Variants in CHCHD3 observed in about 807,000 individuals in gnomAD.
CHCHD3 encodes MICOS complex subunit MIC19.
CHCHD3 carries 20 observed loss-of-function variants against 38.2 expected under a neutral mutation model. The ratio of observed to expected loss-of-function variants is 0.52; its 90% CI spans 0.37 to 0.76. The LOEUF is 0.76. Among genes scored for constraint, CHCHD3 ranks in the 30% least tolerant of loss-of-function variants. CHCHD3 has a pLI of 0.00. For missense variants in CHCHD3, 245 were observed against 279.2 expected (o/e 0.88, Z 0.87); for synonymous variants, 82 against 100.0 (o/e 0.82, Z 1.07).
chr7:132,929,629 G>C (rs936705466), intron 4 of CHCHD3, among the ~76,000 whole-genome samples: 2 of 152,040 alleles, frequency 1.3e-5, no homozygotes, highest in African/African-American at 4.8e-5. Context: ...CTCAAACACA[G>C]CAATATGAAA....
At chr7:132,985,817 CG>C (rs1812102418) in intron 3 of CHCHD3, among the ~76,000 whole-genome samples, 1 of 114,062 alleles carries the variant, frequency 8.8e-6, no homozygotes, top group African/African-American at 3.2e-5. Flanking sequence ...CCGCCCCGTC[CG>C]GGAGGTGAGG....
At chr7:133,079,903 C>T (rs966180524) in intron 1 of CHCHD3, among the ~76,000 whole-genome samples, 16 of 152,160 alleles carry the variant, frequency 1.1e-4, no homozygotes, top group Non-Finnish European at 2.2e-4. Flanking sequence ...ATGGATGTCA[C>T]TTCTAGAGGA....
intron 5 of CHCHD3, among the ~76,000 whole-genome samples, chr7:132,879,779 T>C (rs2117164843): frequency 9.6e-6 from 1 of 104,278 alleles, no homozygotes; most frequent in East Asian, 2.7e-4. Flanking sequence ...TGGAAAGAGA[T>C]GAAAAGATGG....
intron 4 of CHCHD3, among the ~76,000 whole-genome samples, chr7:132,974,632 T>C (rs1811711742): frequency 6.6e-6 from 1 of 151,968 alleles, no homozygotes; most frequent in African/African-American, 2.4e-5. Context: ...TCCCAGCAGT[T>C]TGGGAAGCCG....
chr7:132,970,490 T>C (rs184676823), intron 4 of CHCHD3, among the ~76,000 whole-genome samples: 2 of 152,340 alleles, frequency 1.3e-5, no homozygotes, highest in African/African-American at 4.8e-5. Flanking sequence ...AAAGACAAAG[T>C]CCTGGCTTTC....
intron 3 of CHCHD3, among the ~76,000 whole-genome samples, chr7:133,002,722 A>G (rs940421160): frequency 5.9e-5 from 9 of 152,202 alleles, no homozygotes; most frequent in Admixed American, 5.2e-4. Flanking sequence ...TAACACATTT[A>G]CAAATTCTTT....
intron 3 of CHCHD3, among the ~76,000 whole-genome samples, chr7:133,021,199 C>T (rs1241249532): frequency 1.3e-5 from 2 of 151,994 alleles, no homozygotes; most frequent in Non-Finnish European, 2.9e-5. Flanking sequence ...CATATGTTTT[C>T]AAAAATTCAA....
chr7:132,791,798 G>A (rs1034804639), intron 7 of CHCHD3, among the ~76,000 whole-genome samples: 2 of 152,122 alleles, frequency 1.3e-5, no homozygotes, highest in African/African-American at 4.8e-5. Flanking sequence ...ACGAGACAAC[G>A]GGGTGCACTA....
intron 4 of CHCHD3, among the ~76,000 whole-genome samples, chr7:132,926,281 G>A (rs1385960772): frequency 1.3e-5 from 2 of 152,206 alleles, no homozygotes; most frequent in Non-Finnish European, 2.9e-5. Context: ...GGGTAGAGGG[G>A]TAGCAAGGAG....
intron 4 of CHCHD3, among the ~76,000 whole-genome samples, chr7:132,960,713 C>T (rs962300908): frequency 6.6e-6 from 1 of 152,148 alleles, no homozygotes; most frequent in East Asian, 1.9e-4. Flanking sequence ...CATGGTGGCT[C>T]ATGCCTGTAA....
intron 3 of CHCHD3, among the ~76,000 whole-genome samples, chr7:133,011,169 G>A (rs755140723): frequency 3.5e-4 from 54 of 152,162 alleles, no homozygotes; most frequent in Non-Finnish European, 3.4e-4. Context: ...TGGTAACATA[G>A]GAGATCCAAG....
In CHCHD3 at chr7:132,788,955, A is replaced by AT. The variant is rs1485642017; in HGVS notation, c.661-3296dup. ...ATTAACAAACACAATGGCAGGCTGG[A>AT]TTTTTAAAAAAGATGAATTCATCTG... On this transcript the variant is annotated intron_variant, in intron 7 of 7. Transcript: ENST00000262570. This position sits in a 1 kb window ranked among gnomAD's most constrained non-coding sequence, Gnocchi z 4.0. 6.6e-6 allele frequency among the ~76,000 whole-genome samples: 1 copy of AT among 152,202 alleles called. No individual in the cohort carries two copies. Among genetic ancestry groups the AT allele is most frequent in the East Asian group, 1.9e-4 (1 of 5,200 alleles).
At chr7:132,997,836 G>A (rs1315969191) in intron 3 of CHCHD3, among the ~76,000 whole-genome samples, 1 of 152,144 alleles carries the variant, frequency 6.6e-6, no homozygotes, top group Admixed American at 6.6e-5. Flanking sequence ...CAATTCTGTG[G>A]AGATGATGGC....
intron 6 of CHCHD3, among the ~76,000 whole-genome samples, chr7:132,808,964 T>C (rs1313302409): frequency 2.7e-5 from 4 of 150,438 alleles, no homozygotes; most frequent in African/African-American, 9.8e-5. Flanking sequence ...TTATTATTTT[T>C]CTTGAGACAG....
intron 2 of CHCHD3, among the ~76,000 whole-genome samples, chr7:133,049,419 A>C (rs911817473): frequency 2.6e-5 from 4 of 152,238 alleles, no homozygotes; most frequent in Admixed American, 1.3e-4. Flanking sequence ...TTTTTAATTT[A>C]TTGTAGGCAG....
At chr7:132,947,315 CT>C (rs1163230997) in intron 4 of CHCHD3, among the ~76,000 whole-genome samples, 1 of 151,818 alleles carries the variant, frequency 6.6e-6, no homozygotes, top group Non-Finnish European at 1.5e-5. Flanking sequence ...ACCTATTTAG[CT>C]TTTGTACTAA....
intron 6 of CHCHD3, among the ~76,000 whole-genome samples, chr7:132,824,350 G>A (rs564471301): frequency 3.3e-5 from 4 of 120,822 alleles, no homozygotes; most frequent in South Asian, 2.7e-4. Context: ...ACGGAGTCTC[G>A]CTCTGTCGCT....
chr7:133,069,017 G>A (rs902484760), intron 2 of CHCHD3, among the ~76,000 whole-genome samples: 2 of 151,950 alleles, frequency 1.3e-5, no homozygotes, highest in African/African-American at 4.8e-5. Context: ...TTTCAAAACC[G>A]TATATTGGGA....
rs905566702 is a variant in CHCHD3, at chr7:133,035,666, C to A, written c.170-11039G>T. 1.7e-5 allele frequency: 28 copies of A among 1,612,226 alleles called. No homozygotes were observed. In the African/African-American group the frequency reaches 3.2e-4, roughly 18 times the overall value. On this transcript the variant is annotated intron_variant, in intron 2 of 7. Transcript: ENST00000262570. This position sits in a 1 kb window ranked among gnomAD's most constrained non-coding sequence, Gnocchi z 4.7. Reference sequence around the variant, plus strand: ...GGGCTGCTGCCTCTGGAGTACTTCCCCGCAGCTCCTCATTGCTCACATAGT... The same window carrying A: ...GGGCTGCTGCCTCTGGAGTACTTCCACGCAGCTCCTCATTGCTCACATAGT...
Sources: allele counts gnomAD v4.1 joint callset (sites outside exome capture counted in the v4.1 genomes callset), GRCh38; gene constraint gnomAD v4.1.1; non-coding constraint Gnocchi (gnomAD v3.1); transcripts MANE v1.5; gene names NCBI Gene and HGNC (gene_info 2026-07-23, HGNC 2026-07-21).